The following AFF2 variants were observed in gnomAD, a reference collection of about 807,000 sequenced individuals.
The protein encoded by AFF2 is AF4/FMR2 family member 2.
In AFF2, 14 loss-of-function variants were observed where a neutral mutation model predicts 76.9. That is an observed-to-expected ratio of 0.18 (90% CI 0.12 to 0.28). The LOEUF (loss-of-function observed/expected upper bound fraction) is 0.28. Ranked by LOEUF, AFF2 falls within the 10% of genes least tolerant of loss-of-function variation. AFF2 has a pLI of 1.00. For synonymous variants in AFF2, 398 were observed against 366.7 expected (o/e 1.09, Z -0.98); for missense variants, 868 against 1,001.1 (o/e 0.87, Z 1.79).
chrX:148,683,507 C>T (rs906910208), intron 3 of AFF2, among the ~76,000 whole-genome samples: 2 of 112,029 alleles, frequency 1.8e-5, no homozygotes, highest in Non-Finnish European at 3.8e-5. Context: ...TCCTATGCTA[C>T]CCTGCTTTCT....
At chrX:148,613,000 T>C (rs782148165) in intron 1 of AFF2, among the ~76,000 whole-genome samples, 116 of 111,847 alleles carry the variant, frequency 1.0e-3, no homozygotes, top group Non-Finnish European at 1.9e-3. Context: ...AGGCAGTCTT[T>C]CACTCACAGT....
chrX:148,846,918 C>T (rs890976117), intron 7 of AFF2, among the ~76,000 whole-genome samples: 1 of 111,280 alleles, frequency 9.0e-6, no homozygotes, highest in Admixed American at 9.5e-5. Context: ...TGTTTTTCCC[C>T]AAGATAGAGT....
At chrX:148,660,987 T>G (rs2054298754) in intron 2 of AFF2, among the ~76,000 whole-genome samples, 1 of 112,466 alleles carries the variant, frequency 8.9e-6, no homozygotes, top group Non-Finnish European at 1.9e-5. Flanking sequence ...ATAATTATTT[T>G]AAAAACAATC....
At chrX:148,751,124 T>C (rs1470330147) in intron 3 of AFF2, among the ~76,000 whole-genome samples, 3 of 112,660 alleles carry the variant, frequency 2.7e-5, no homozygotes, top group African/African-American at 9.7e-5. Context: ...AGATACTCTG[T>C]TTAAATCCCA....
At chrX:148,758,134 T>C (rs782793380) in intron 3 of AFF2, among the ~76,000 whole-genome samples, 2 of 112,464 alleles carry the variant, frequency 1.8e-5, no homozygotes, top group African/African-American at 3.2e-5. Context: ...CTGTGTATTG[T>C]ATTTGAGCAA....
Position 148,956,538 on chromosome X carries a change from T to C in AFF2, c.2493T>C (p.Thr831=), listed in dbSNP as rs1557287413. 1 of 1,211,906 alleles carries C rather than the reference T, an allele frequency of 8.3e-7. No homozygotes were observed. The highest frequency in any genetic ancestry group is 1.7e-5 in the African/African-American group (1 of 57,852). The change falls in exon 11 of 21, where the codon ACT becomes ACC. Residue 831 remains threonine (T), a synonymous_variant. Transcript: ENST00000370460. ...CTGCCAAGCCAGACCACAAGGAGAC[T>C]GCCACAAAACCCAAGCGTCAGACAG... The part of the protein sequence containing the change: ...AAPAKPDHKE[T]ATKPKRQTAV...
At chrX:148,920,444 G>C (rs187085794) in intron 9 of AFF2, among the ~76,000 whole-genome samples, 1 of 111,753 alleles carries the variant, frequency 8.9e-6, no homozygotes, top group African/African-American at 3.3e-5. Flanking sequence ...TATAAAGCAA[G>C]GTAAAGTACT....
At chrX:148,518,024 A>G (rs986634622) in intron 1 of AFF2, among the ~76,000 whole-genome samples, 1 of 105,505 alleles carries the variant, frequency 9.5e-6, no homozygotes, top group African/African-American at 3.5e-5. Flanking sequence ...CTCCGTCTCA[A>G]AAAAAAAAAA....
intron 7 of AFF2, among the ~76,000 whole-genome samples, chrX:148,876,420 G>A (rs1603327210): frequency 9.0e-6 from 1 of 111,529 alleles, no homozygotes; most frequent in East Asian, 2.9e-4. Flanking sequence ...ACTGGTCTCT[G>A]AGGACTCTGA....
intron 3 of AFF2, among the ~76,000 whole-genome samples, chrX:148,678,620 C>A (rs782013533): frequency 8.9e-6 from 1 of 111,974 alleles, no homozygotes; most frequent in Non-Finnish European, 1.9e-5. Context: ...TCTGAGAGAG[C>A]TTGCATCAAA....
intron 9 of AFF2, among the ~76,000 whole-genome samples, chrX:148,925,349 ACAC>A (rs2071639309): frequency 8.9e-6 from 1 of 112,937 alleles, no homozygotes; most frequent in Admixed American, 9.3e-5. Flanking sequence ...AGTGGCTAGA[ACAC>A]AGTAGGTATT....
At chrX:148,964,822 G>A (rs781882421) in intron 13 of AFF2, among the ~76,000 whole-genome samples, 1 of 112,242 alleles carries the variant, frequency 8.9e-6, no homozygotes, top group African/African-American at 3.2e-5. Flanking sequence ...ATTTCAAAAT[G>A]CAATAAAAAT....
chrX:148,629,267 T>C (rs1390270838), intron 1 of AFF2, among the ~76,000 whole-genome samples: 3 of 111,402 alleles, frequency 2.7e-5, no homozygotes, highest in African/African-American at 9.8e-5. Flanking sequence ...TATTATGTGC[T>C]TCTAATATTG....
In AFF2 at chrX:148,846,634, T is replaced by C. The variant is rs967564196; in HGVS notation, c.1262+3201T>C. On this transcript the variant is annotated intron_variant, in intron 7 of 20. Transcript: ENST00000370460. The stretch of plus-strand genomic sequence containing the variant: ...TCAGCCTCTATGATTCTGTGCTATG[T>C]TACAGTCTTGGAACAGGCCCCACCT... 7.2e-5 allele frequency among the ~76,000 whole-genome samples: 8 copies of C among 111,300 alleles called. No individual in the cohort carries two copies. The East Asian group carries it at 2.3e-3, about 32-fold the overall frequency.
At chrX:148,910,262 A>C (rs1229209024) in intron 9 of AFF2, among the ~76,000 whole-genome samples, 1 of 112,436 alleles carries the variant, frequency 8.9e-6, no homozygotes, top group Admixed American at 9.4e-5. Flanking sequence ...TGAAAATGAC[A>C]AATAGCCACA....
rs782089312 is a variant in AFF2 at position 148,614,620 on chromosome X, CCTTT to C, written c.48-37368_48-37365del. ...TCCCTTCTCTTTCTTTTCCTTCCTTCCTTTCTTTCTTTCTCTCTCTCTCTTTCTT... is the reference window on the plus strand; with the variant it reads ...TCCCTTCTCTTTCTTTTCCTTCCTTCCTTTCTTTCTCTCTCTCTCTTTCTT... On this transcript the variant is annotated intron_variant, in intron 1 of 20. Transcript: ENST00000370460. Among the ~76,000 whole-genome samples, 146 of 107,291 alleles carry C rather than the reference CCTTT, an allele frequency of 1.4e-3. 1 individual carries two copies. The Middle Eastern group carries it at 0.033, about 24-fold the overall frequency. 93.2% of individuals were successfully genotyped at this position (107,291 alleles called of 115,157 possible).
intron 3 of AFF2, among the ~76,000 whole-genome samples, chrX:148,763,593 G>A (rs1163911065): frequency 4.5e-5 from 5 of 110,998 alleles, no homozygotes; most frequent in East Asian, 2.8e-4. Context: ...TAACTAATAC[G>A]TATGTGAGAT....
chrX:148,822,116 G>A, intron 4 of AFF2: 1 of 111,938 alleles, frequency 8.9e-6, no homozygotes, highest in East Asian at 2.8e-4. Flanking sequence ...TTCTCCAAAT[G>A]ATATATTATC....
intron 1 of AFF2, among the ~76,000 whole-genome samples, chrX:148,633,849 A>G (rs1557253371): frequency 8.9e-6 from 1 of 112,677 alleles, no homozygotes. Context: ...TTTACAAACC[A>G]CATGATATAA....
Sources: allele counts gnomAD v4.1 joint callset (sites outside exome capture counted in the v4.1 genomes callset), GRCh38; gene constraint gnomAD v4.1.1; transcripts MANE v1.5; gene names NCBI Gene and HGNC (gene_info 2026-07-23, HGNC 2026-07-21).